WHRN: variants seen among roughly 807,000 people sequenced by gnomAD.
WHRN encodes the protein CASK-interacting protein CIP98.
A neutral mutation model predicts 68.3 loss-of-function variants in WHRN; 41 were observed. The observed-to-expected ratio is 0.60, with a 90% CI of 0.47 to 0.78. The LOEUF is 0.78. WHRN is among the 30% of genes least tolerant of loss of function. The probability of loss-of-function intolerance (pLI) is 0.00; values close to 1 mark genes in which losing one functional copy is unlikely to be tolerated. For synonymous variants in WHRN, 560 were observed against 561.3 expected (o/e 1.00, Z 0.03); for missense variants, 1,243 against 1,244.7 (o/e 1.00, Z 0.02).
intron 1 of WHRN, among the ~76,000 whole-genome samples, chr9:114,481,987 G>C (rs562661730): frequency 6.6e-6 from 1 of 152,326 alleles, no homozygotes; most frequent in Admixed American, 6.5e-5. Context: ...GAGAGACAAG[G>C]CATCGTGTGG....
chr9:114,489,463 TACAC>T (rs59922135), intron 1 of WHRN, among the ~76,000 whole-genome samples: 3,157 of 149,888 alleles, frequency 0.021, 57 homozygotes, highest in South Asian at 0.059. Flanking sequence ...CACACACACA[TACAC>T]ACACACACAC....
intron 7 of WHRN, 40 bp from the exon 8 acceptor site, chr9:114,408,058 T>C: frequency 6.5e-7 from 1 of 1,529,204 alleles, no homozygotes; most frequent in Non-Finnish European, 8.9e-7. Flanking sequence ...AAACAGAAGC[T>C]GAGAAGGGAA....
intron 3 of WHRN, among the ~76,000 whole-genome samples, chr9:114,433,865 T>G (rs575771380): frequency 6.6e-6 from 1 of 152,256 alleles, no homozygotes; most frequent in East Asian, 1.9e-4. Context: ...GCACACTGAC[T>G]CCCAATATGG....
chr9:114,413,814 A>C (rs558968973), intron 7 of WHRN, among the ~76,000 whole-genome samples: 29 of 152,312 alleles, frequency 1.9e-4, no homozygotes, highest in African/African-American at 7.0e-4. Context: ...TTCTGCATGA[A>C]GCCTTCCTGA....
intron 3 of WHRN, among the ~76,000 whole-genome samples, chr9:114,459,242 G>A (rs1354834515): frequency 6.6e-6 from 1 of 152,094 alleles, no homozygotes; most frequent in African/African-American, 2.4e-5. Flanking sequence ...CGGATCACTT[G>A]AGGTCAGGAG....
intron 3 of WHRN, among the ~76,000 whole-genome samples, chr9:114,457,643 C>CG (rs1391602079): frequency 1.6e-4 from 25 of 152,034 alleles, no homozygotes; most frequent in African/African-American, 5.3e-4. Flanking sequence ...TGGCCAGGCG[C>CG]GGGGGCTCAC....
intron 3 of WHRN, among the ~76,000 whole-genome samples, chr9:114,444,006 C>T (rs951041657): frequency 1.3e-5 from 2 of 152,202 alleles, no homozygotes; most frequent in African/African-American, 2.4e-5. Context: ...CTTACTACCA[C>T]GAGAGCAGTA....
intron 1 of WHRN, among the ~76,000 whole-genome samples, chr9:114,493,082 G>A (rs1439561349): frequency 6.6e-5 from 10 of 152,234 alleles, no homozygotes; most frequent in African/African-American, 2.4e-4. Context: ...AGGCACAGTG[G>A]CTCACGCCTG....
chr9:114,444,963 G>C lies in WHRN; in HGVS notation c.964-18550C>G, dbSNP rs1411193263. On this transcript the variant is annotated intron_variant, in intron 3 of 11. Coordinates refer to ENST00000362057, the MANE Select transcript of WHRN (RefSeq NM_015404.4). ...GTTATACAACAAAATTGTGGCACTA[G>C]TTTTCCCTAAGTGTAGGGTTTTCTC... 2.0e-5 allele frequency among the ~76,000 whole-genome samples: 3 copies of C among 152,072 alleles called. No homozygotes were observed. In the East Asian group the frequency reaches 5.8e-4, roughly 29 times the overall value.
chr9:114,424,223 T>C, intron 6 of WHRN, 111 bp downstream of exon 6: 8 of 1,259,354 alleles, frequency 6.4e-6, no homozygotes, highest in Non-Finnish European at 9.3e-6. Flanking sequence ...CTCTGCCCAG[T>C]GTTCAGTTCA....
intron 3 of WHRN, among the ~76,000 whole-genome samples, chr9:114,438,574 T>TC (rs1838078685): frequency 1.3e-5 from 2 of 150,990 alleles, no homozygotes; most frequent in Non-Finnish European, 2.9e-5. Flanking sequence ...TGCCTCAGCC[T>TC]CCCGAGTAGC....
chr9:114,441,194 A>G (rs150351383), intron 3 of WHRN, among the ~76,000 whole-genome samples: 1 of 152,360 alleles, frequency 6.6e-6, no homozygotes, highest in African/African-American at 2.4e-5. Flanking sequence ...TAGATATATA[A>G]CATACAATAT....
intron 1 of WHRN, among the ~76,000 whole-genome samples, chr9:114,483,114 T>C (rs2133193563): frequency 6.6e-6 from 1 of 152,350 alleles, no homozygotes; most frequent in Admixed American, 6.5e-5. Flanking sequence ...TAATGACTAT[T>C]CTTTAGGGAT....
intron 1 of WHRN, among the ~76,000 whole-genome samples, chr9:114,479,018 T>G (rs1156739809): frequency 2.0e-5 from 3 of 152,040 alleles, no homozygotes; most frequent in Non-Finnish European, 2.9e-5. Context: ...TGCGGAGGAG[T>G]TTGCATTGCA....
chr9:114,504,683 C>A lies in WHRN; in HGVS notation c.119G>T (p.Arg40Leu). The A allele has an allele frequency of 1.3e-6, 2 of 1,596,534 alleles. No homozygotes were observed. Among genetic ancestry groups the A allele is most frequent in the Non-Finnish European group, 1.7e-6 (2 of 1,175,460 alleles). The part of the protein sequence containing the change: ...AGLRLLSANV[R>L]QLHQALTALL... The stretch of plus-strand genomic sequence containing the variant: ...CGCGGTCAGCGCTTGGTGCAGCTGG[C>A]GCACGTTGGCAGACAGTAACCGCAG... Residue 40 changes from arginine to leucine, a missense_variant, in exon 1 of 12, where the codon CGC becomes CTC. By Grantham distance (102) the Arg-to-Leu change is moderately radical. Transcript: ENST00000362057.
chr9:114,417,728 C>T (rs3748174), intron 7 of WHRN, among the ~76,000 whole-genome samples: 31,986 of 152,116 alleles, frequency 0.21, 3,798 homozygotes, highest in East Asian at 0.36. Context: ...GACCACACAG[C>T]GGCACTTAGT....
In WHRN at chr9:114,486,980, TATATATATA is replaced by T. The variant is rs1321446712; in HGVS notation, c.619-8218_619-8210del. ...GTGTGTATATATATATATATATATA[TATATATATA>T]TATATATATATATATATATAATATA... is the stretch of plus-strand genomic sequence containing the variant. On this transcript the variant is annotated intron_variant, in intron 1 of 11. Coordinates refer to ENST00000362057, the MANE Select transcript of WHRN (RefSeq NM_015404.4). Among the ~76,000 whole-genome samples, 3 of 3,226 alleles carry T rather than the reference TATATATATA, an allele frequency of 9.3e-4. 1 individual carries two copies. The highest frequency in any genetic ancestry group is 1.2e-3 in the African/African-American group (3 of 2,560). 2.1% of individuals were successfully genotyped at this position (3,226 alleles called of 152,430 possible). A position where few individuals can be genotyped will look rare whatever the true frequency, so the allele number is the denominator to read the frequency against.
chr9:114,425,129 A>C (rs1589109594), intron 4 of WHRN, 105 bp from the exon 5 acceptor site: 1 of 1,202,084 alleles, frequency 8.3e-7, no homozygotes, highest in Non-Finnish European at 1.2e-6. Flanking sequence ...CTTCAAGAGA[A>C]CCATGCATCG....
chr9:114,433,682 A>G (rs1403730752), intron 3 of WHRN, among the ~76,000 whole-genome samples: 1 of 152,192 alleles, frequency 6.6e-6, no homozygotes, highest in Non-Finnish European at 1.5e-5. Flanking sequence ...AAGCTTGTCC[A>G]TATTTTGAAA....
Sources: gnomAD v4.1 joint callset for allele counts (sites outside exome capture counted in the v4.1 genomes callset) on GRCh38, gnomAD v4.1.1 for gene constraint, MANE v1.5 for transcripts, NCBI Gene and HGNC (gene_info 2026-07-23, HGNC 2026-07-21) for gene names.